The following KRT2 variants were observed in gnomAD, a reference collection of about 807,000 sequenced individuals.
KRT2 encodes the protein keratin 2, also known as keratin, type II cytoskeletal 2 epidermal.
In KRT2, 37 loss-of-function variants were observed where a neutral mutation model predicts 48.5. The observed-to-expected ratio is 0.76, with a 90% confidence interval of 0.59 to 1.00. The LOEUF (loss-of-function observed/expected upper bound fraction) is 1.00. KRT2 is among the 50% of genes least tolerant of loss of function. The probability of loss-of-function intolerance (pLI) is 0.00; values close to 1 mark genes in which losing one functional copy is unlikely to be tolerated. For missense variants in KRT2, 880 were observed against 815.2 expected (o/e 1.08, Z -0.97); for synonymous variants, 324 against 312.2 (o/e 1.04, Z -0.40).
intron 7 of KRT2, among the ~76,000 whole-genome samples, chr12:52,646,367 C>A (rs946705772): frequency 6.6e-6 from 1 of 152,250 alleles, no homozygotes; most frequent in Non-Finnish European, 1.5e-5. Context: ...TCATCTCCCC[C>A]ATTCTGGGTC....
In KRT2 at chr12:52,651,854, CA is replaced by C; in HGVS notation, c.288del (p.Phe96LeufsTer40). 1 of 1,605,336 alleles carries C rather than the reference CA, an allele frequency of 6.2e-7. No homozygotes were observed. The highest frequency in any genetic ancestry group is 8.5e-7 in the Non-Finnish European group (1 of 1,175,146). Reference sequence around the variant, plus strand: ...CCACCTCCAAAGCTGCTGCCGCCTCCAAAACCACCTCCTCTGCCACCAAATC... The same window carrying C: ...CCACCTCCAAAGCTGCTGCCGCCTCCAAACCACCTCCTCTGCCACCAAATC... ...AGGFGGRGGGFGGGSSFGGGS... is the reference protein window; with the variant it reads ...AGGFGGRGGGXGGGSSFGGGS... On this transcript the variant is annotated frameshift_variant, in exon 1 of 9. Transcript: ENST00000309680. LOFTEE classifies it high-confidence loss of function.
In KRT2 at chr12:52,652,051, C is replaced by T. The variant is rs1329013108; in HGVS notation, c.92G>A (p.Gly31Asp). The T allele has an allele frequency of 1.2e-6, 2 of 1,604,588 alleles. No homozygotes were observed. Among genetic ancestry groups the T allele is most frequent in the African/African-American group, 1.3e-5 (1 of 74,938 alleles). The change falls in exon 1 of 9, where the codon GGT becomes GAT. Residue 31 changes from glycine (G) to aspartate (D), a missense_variant. Coordinates refer to ENST00000309680, the MANE Select transcript of KRT2 (RefSeq NM_000423.3). ...GFSSGSAVVS[G>D]GSRRSTSSFS... is the part of the protein sequence containing the mutation. ...GCTGGAAGTTGATCTCCGGCTTCCA[C>T]CAGACACCACAGCTGAGCCGCTGCT...
rs1313725787 is a variant in KRT2, at chr12:52,647,790, G to T, written c.1188C>A (p.Ile396=). Residue 396 remains isoleucine, a synonymous_variant, in exon 6 of 9, where the codon ATC becomes ATA. Coordinates refer to ENST00000309680, the MANE Select transcript of KRT2 (RefSeq NM_000423.3). ...TCTGGATCACGCGGTTCAGCTCGCT[G>T]ATCTCTATCTTGATCTCTTTCAGGC... is the stretch of plus-strand genomic sequence containing the variant. ...GDSLKEIKIE[I]SELNRVIQRL... The T allele has an allele frequency of 3.7e-6, 6 of 1,613,944 alleles. No individual in the cohort carries two copies. The Admixed American group carries it at 8.3e-5, about 22-fold the overall frequency.
At position 52,644,976 on chromosome 12, in the gene KRT2, G is replaced by A. The variant is rs1309720864; in HGVS notation, c.*43C>T. 1.9e-6 allele frequency: 3 copies of A among 1,608,248 alleles called. No homozygotes were observed. In the African/African-American group the frequency reaches 4.0e-5, roughly 22 times the overall value. Reference sequence around the variant, plus strand: ...GACAGGCTTCTACATTCTGGAGTGGGAGAGTCTGGGTTGGGAGAGTCGGTG... The same window carrying A: ...GACAGGCTTCTACATTCTGGAGTGGAAGAGTCTGGGTTGGGAGAGTCGGTG... On this transcript the variant is annotated 3_prime_UTR_variant, in exon 9 of 9. Transcript: ENST00000309680.
Position 52,651,579 on chromosome 12 carries a change from T to C in KRT2, c.564A>G (p.Lys188=), listed in dbSNP as rs1252860332. ...EREQIKTLNN[K]FASFIDKVRF... is the part of the protein sequence containing the mutation. ...TCACCTTGTCAATGAAGGAGGCAAA[T>C]TTGTTGTTGAGAGTTTTGATCTGCT... Residue 188 remains lysine, a synonymous_variant, in exon 1 of 9, where the codon AAA becomes AAG. Transcript: ENST00000309680. The C allele has an allele frequency of 1.2e-6, 2 of 1,613,982 alleles. No homozygotes were observed. Among genetic ancestry groups the C allele is most frequent in the East Asian group, 2.2e-5 (1 of 44,868 alleles).
chr12:52,650,201 CA>C (rs1213350238), intron 2 of KRT2, 137 bp downstream of exon 2: 16 of 853,174 alleles, frequency 1.9e-5, no homozygotes, highest in African/African-American at 1.8e-4. Flanking sequence ...GTCTTCCTCA[CA>C]AATAATCAAC....
Position 52,650,367 on chromosome 12 carries a change from G to A in KRT2, c.772C>T (p.Gln258Ter). The change falls in exon 2 of 9, where the codon CAG becomes TAG. Residue 258 changes from glutamine (Q) to a stop codon, truncating the protein, a stop_gained. Coordinates refer to ENST00000309680, the MANE Select transcript of KRT2 (RefSeq NM_000423.3). LOFTEE classifies it high-confidence loss of function. ...TSQNSELNNM[Q>*]DLVEDYKKKY... ...TTCTTATAATCCTCCACAAGATCCT[G>A]CATGTTATTCAGCTCTGAATTCTGT... 6.2e-7 allele frequency: 1 copy of A among 1,614,100 alleles called. No homozygotes were observed. The highest frequency in any genetic ancestry group is 8.5e-7 in the Non-Finnish European group (1 of 1,179,962).
chr12:52,645,646 C>A, intron 7 of KRT2, 77 bp from the exon 8 acceptor site: 1 of 1,452,388 alleles, frequency 6.9e-7, no homozygotes, highest in African/African-American at 1.4e-5. Context: ...CACTTCCACC[C>A]GCAAATGTGC....
At chr12:52,648,940 G>T in intron 4 of KRT2, 67 bp downstream of exon 4, 1 of 1,039,034 alleles carries the variant, frequency 9.6e-7, no homozygotes, top group Non-Finnish European at 1.5e-6. Context: ...TTTTCACCAA[G>T]CAGAAAGGAC....
In KRT2 at chr12:52,649,089, G is replaced by T. The variant is rs1425785587; in HGVS notation, c.875C>A (p.Ala292Asp). The change falls in exon 4 of 9, where the codon GCC becomes GAC. Residue 292 changes from alanine to aspartate, a missense_variant. Physicochemically the swap from Ala to Asp is moderately radical, Grantham distance 126. Transcript: ENST00000309680. ...CTGCAACTCCACCTTTATCATGTAG[G>T]CATTGTCCACGTCCTGCAAGAAAGG... ...FVTLKKDVDNAYMIKVELQSK... is the reference protein window; with the variant it reads ...FVTLKKDVDNDYMIKVELQSK... 4 of 1,610,884 alleles carry T rather than the reference G, an allele frequency of 2.5e-6. No individual in the cohort carries two copies. Among genetic ancestry groups the T allele is most frequent in the African/African-American group, 2.7e-5 (2 of 74,914 alleles).
rs781042443 is a variant in KRT2, at chr12:52,645,131, C to T, written c.1808G>A (p.Arg603Lys). 1.9e-6 allele frequency: 3 copies of T among 1,613,784 alleles called. No individual in the cohort carries two copies. The Admixed American group carries it at 5.0e-5, about 27-fold the overall frequency. Reference protein sequence around the residue: ...GGKHSSGGGSRGGSSSGGGYG... With the variant: ...GGKHSSGGGSKGGSSSGGGYG... The stretch of plus-strand genomic sequence containing the variant: ...TCCTCCTCCAGAGCTGGAGCCTCCT[C>T]TAGAGCCACCTCCAGAGCTGTGTTT... Residue 603 changes from arginine (R) to lysine (K), a missense_variant, in exon 9 of 9, where the codon AGA becomes AAA. Arg to Lys is a conservative substitution (Grantham distance 26). Transcript: ENST00000309680.
Position 52,651,588 on chromosome 12 carries a change from G to A in KRT2, c.555C>T (p.Leu185=). The change falls in exon 1 of 9, where the codon CTC becomes CTT. Residue 185 remains leucine (L), a synonymous_variant. Coordinates refer to ENST00000309680, the MANE Select transcript of KRT2 (RefSeq NM_000423.3). ...KAQEREQIKT[L]NNKFASFIDK... ...CAATGAAGGAGGCAAATTTGTTGTT[G>A]AGAGTTTTGATCTGCTCACGCTCTT... 7 of 1,614,086 alleles carry A rather than the reference G, an allele frequency of 4.3e-6. No homozygotes were observed. Among genetic ancestry groups the A allele is most frequent in the Non-Finnish European group, 5.9e-6 (7 of 1,179,974 alleles).
Position 52,648,286 on chromosome 12 carries a change from T to C in KRT2, c.1009A>G (p.Met337Val). 1 of 1,614,070 alleles carries C rather than the reference T, an allele frequency of 6.2e-7. No homozygotes were observed. Among genetic ancestry groups the C allele is most frequent in the Non-Finnish European group, 8.5e-7 (1 of 1,179,950 alleles). ...AAGTCCAGGTTGCGGCTGTTGTCCATGGAGAGGATGACGTTGGTGTCAGTG... is the reference window on the plus strand; with the variant it reads ...AAGTCCAGGTTGCGGCTGTTGTCCACGGAGAGGATGACGTTGGTGTCAGTG... ...SVTDTNVILS[M>V]DNSRNLDLDS... The change falls in exon 5 of 9, where the codon ATG becomes GTG. Residue 337 changes from methionine (M) to valine (V), a missense_variant. Coordinates refer to ENST00000309680, the MANE Select transcript of KRT2 (RefSeq NM_000423.3).
rs750031090 is a variant in KRT2 at position 52,650,009 on chromosome 12, G to A, written c.801-35C>T. On this transcript the variant is annotated intron_variant, in intron 2 of 8. Coordinates refer to ENST00000309680, the MANE Select transcript of KRT2 (RefSeq NM_000423.3). The stretch of plus-strand genomic sequence containing the variant: ...CACAGATGTTACAGCAGTTAGATTA[G>A]TTCCCCTTCATTTTTTTTCTTTTCC... 4 of 1,519,654 alleles carry A rather than the reference G, an allele frequency of 2.6e-6. No individual in the cohort carries two copies. The African/African-American group carries it at 4.1e-5, about 16-fold the overall frequency. 94.1% of individuals were successfully genotyped at this position (1,519,654 alleles called of 1,614,324 possible). A position where few individuals can be genotyped will look rare whatever the true frequency, so the allele number is the denominator to read the frequency against.
chr12:52,649,880 T>TC (rs1417918511), intron 3 of KRT2, 34 bp downstream of exon 3: 2 of 1,568,464 alleles, frequency 1.3e-6, no homozygotes, highest in Admixed American at 3.3e-5. Flanking sequence ...AGCACTCCTA[T>TC]CCCCACCCCC....
At position 52,648,864 on chromosome 12, in the gene KRT2, C is replaced by A. The variant is rs1255249621; in HGVS notation, c.957+143G>T. The A allele has an allele frequency of 1.6e-5, 11 of 694,910 alleles. No homozygotes were observed. In the South Asian group the frequency reaches 1.7e-4, roughly 10 times the overall value. The allele number at this position is 694,910 out of a possible 1,614,324, so 43.0% of individuals were successfully genotyped here. ...CCCACAAGACCTATGCTATGAAAGC[C>A]CCCCCAGTGGCCTGGAATGATGGCA... On this transcript the variant is annotated intron_variant, in intron 4 of 8. Coordinates refer to ENST00000309680, the MANE Select transcript of KRT2 (RefSeq NM_000423.3).
chr12:52,646,483 A>G (rs1483340661), intron 7 of KRT2, among the ~76,000 whole-genome samples: 3 of 152,230 alleles, frequency 2.0e-5, no homozygotes, highest in Non-Finnish European at 4.4e-5. Flanking sequence ...TCTCTTTCAG[A>G]AAAGACCAGG....
At position 52,644,886 on chromosome 12, in the gene KRT2, T is replaced by A. The variant is rs1941137539; in HGVS notation, c.*133A>T. ...TCAAAAACTGTATGTGGACATTCTTTTCCCTCAAAGTGCCATCAGAGATAA... is the reference window on the plus strand; with the variant it reads ...TCAAAAACTGTATGTGGACATTCTTATCCCTCAAAGTGCCATCAGAGATAA... On this transcript the variant is annotated 3_prime_UTR_variant, in exon 9 of 9. Transcript: ENST00000309680. 1 of 908,944 alleles carries A rather than the reference T, an allele frequency of 1.1e-6. No individual in the cohort carries two copies. Among genetic ancestry groups the A allele is most frequent in the Non-Finnish European group, 1.7e-6 (1 of 580,458 alleles). The allele number at this position is 908,944 out of a possible 1,614,324, so 56.3% of individuals were successfully genotyped here.
chr12:52,645,122 G>C lies in KRT2; in HGVS notation c.1817C>G (p.Ser606Cys). 6.2e-7 allele frequency: 1 copy of C among 1,613,572 alleles called. No individual in the cohort carries two copies. The highest frequency in any genetic ancestry group is 8.5e-7 in the Non-Finnish European group (1 of 1,179,920). Residue 606 changes from serine (S) to cysteine (C), a missense_variant, in exon 9 of 9, where the codon TCC becomes TGC. Transcript: ENST00000309680. ...AGAGCCATATCCTCCTCCAGAGCTG[G>C]AGCCTCCTCTAGAGCCACCTCCAGA... ...HSSGGGSRGG[S>C]SSGGGYGSGG...
Sources: gnomAD v4.1 joint callset for allele counts (sites outside exome capture counted in the v4.1 genomes callset) on GRCh38, gnomAD v4.1.1 for gene constraint, MANE v1.5 for transcripts, NCBI Gene and HGNC (gene_info 2026-07-23, HGNC 2026-07-21) for gene names.